NTM: variants seen among roughly 807,000 people sequenced by gnomAD.
NTM encodes neurotrimin.
NTM carries 13 observed loss-of-function variants against 42.1 expected under a neutral mutation model. The observed-to-expected ratio is 0.31, with a 90% CI of 0.20 to 0.49. NTM has a LOEUF of 0.49. Among genes scored for constraint, NTM ranks in the 20% least tolerant of loss-of-function variants. NTM has a pLI of 0.99. For missense variants in NTM, 373 were observed against 452.8 expected, an observed-to-expected ratio of 0.82 and a Z score of 1.60; for synonymous variants, 187 against 179.2, an observed-to-expected ratio of 1.04 and a Z score of -0.35.
intron 1 of NTM, among the ~76,000 whole-genome samples, chr11:131,672,053 A>G (rs965666371): frequency 6.6e-6 from 1 of 152,160 alleles, no homozygotes; most frequent in Non-Finnish European, 1.5e-5. Context: ...CCACGTGCAC[A>G]TCCCTTTCTC....
intron 4 of NTM, among the ~76,000 whole-genome samples, chr11:132,272,727 C>T (rs1026984367): frequency 1.1e-4 from 17 of 151,864 alleles, no homozygotes; most frequent in African/African-American, 4.1e-4. Context: ...GCTCTTGTAT[C>T]CTGCAATATT....
chr11:131,396,758 C>T (rs1415959630), intron 1 of NTM, among the ~76,000 whole-genome samples: 2 of 151,780 alleles, frequency 1.3e-5, no homozygotes, highest in African/African-American at 2.4e-5. Context: ...TGCTTGAACA[C>T]GGGGGACGGA....
rs533545331 is a variant in NTM at position 131,467,545 on chromosome 11, A to T, written c.82+96657A>T. Among the ~76,000 whole-genome samples, 4 of 152,346 alleles carry T rather than the reference A, an allele frequency of 2.6e-5. No individual in the cohort carries two copies. In the East Asian group the frequency reaches 7.7e-4, roughly 29 times the overall value. On this transcript the variant is annotated intron_variant, in intron 1 of 8. Transcript: ENST00000683400. The stretch of plus-strand genomic sequence containing the variant: ...CAGACATTCTGGTAGTGATTCTTCA[A>T]GGTAGAAACCTGCTCTGGCTATGTA...
chr11:131,466,313 T>C (rs1951885843), intron 1 of NTM, among the ~76,000 whole-genome samples: 1 of 152,272 alleles, frequency 6.6e-6, no homozygotes, highest in African/African-American at 2.4e-5. Context: ...TTCTTAAGGG[T>C]CAGGCCTCGT....
intron 1 of NTM, among the ~76,000 whole-genome samples, chr11:131,881,998 C>A (rs958276823): frequency 2.0e-5 from 3 of 152,054 alleles, no homozygotes; most frequent in African/African-American, 7.2e-5. Flanking sequence ...CAATTAATTG[C>A]GATTTAGAAA....
At chr11:131,923,028 G>A (rs377754207) in intron 2 of NTM, among the ~76,000 whole-genome samples, 12 of 151,444 alleles carry the variant, frequency 7.9e-5, no homozygotes, top group East Asian at 7.9e-4. Context: ...CTAGACCTTC[G>A]TTGAATTCAT....
Position 131,607,908 on chromosome 11 carries a change from A to G in NTM, c.82+237020A>G, listed in dbSNP as rs185507787. Among the ~76,000 whole-genome samples, 26 of 151,428 alleles carry G rather than the reference A, an allele frequency of 1.7e-4. 1 individual carries two copies. In the East Asian group the frequency reaches 4.5e-3, roughly 26 times the overall value. On this transcript the variant is annotated intron_variant, in intron 1 of 8. Coordinates refer to ENST00000683400, the MANE Select transcript of NTM (RefSeq NM_001352005.2). ...TTTTGTGTTTTTTTTTTGTTTTATAATTATTATTATTATACTTTAAGTTCT... is the reference window on the plus strand; with the variant it reads ...TTTTGTGTTTTTTTTTTGTTTTATAGTTATTATTATTATACTTTAAGTTCT...
intron 1 of NTM, among the ~76,000 whole-genome samples, chr11:131,864,861 A>G (rs1250307351): frequency 1.3e-5 from 2 of 152,100 alleles, no homozygotes; most frequent in African/African-American, 4.8e-5. Flanking sequence ...GCCCTTTTTA[A>G]TGTCCATGAT....
chr11:131,381,991 C>T (rs766509720), intron 1 of NTM, among the ~76,000 whole-genome samples: 11 of 152,214 alleles, frequency 7.2e-5, no homozygotes, highest in Non-Finnish European at 1.3e-4. Context: ...AAGCACTTTG[C>T]AATTCTGGCA....
At chr11:131,778,768 T>C (rs886825071) in intron 1 of NTM, among the ~76,000 whole-genome samples, 1 of 152,152 alleles carries the variant, frequency 6.6e-6, no homozygotes, top group African/African-American at 2.4e-5. Context: ...CGGTTAACTA[T>C]TGTAGTAGGG....
In NTM at chr11:131,778,953, T is replaced by C. The variant is rs573814417; in HGVS notation, c.83-132611T>C. On this transcript the variant is annotated intron_variant, in intron 1 of 8. Coordinates refer to ENST00000683400, the MANE Select transcript of NTM (RefSeq NM_001352005.2). The stretch of plus-strand genomic sequence containing the variant: ...TGGGATAGTCACCCCTGTGATTACA[T>C]CACATTATATAAGTTTTCATCATAG... 1.8e-4 allele frequency among the ~76,000 whole-genome samples: 27 copies of C among 152,344 alleles called. No homozygotes were observed. In the South Asian group the frequency reaches 4.3e-3, roughly 25 times the overall value.
intron 4 of NTM, among the ~76,000 whole-genome samples, chr11:132,273,394 G>A (rs1044685778): frequency 6.1e-5 from 7 of 114,922 alleles, no homozygotes; most frequent in African/African-American, 2.0e-4. Context: ...TTCCTTCCTT[G>A]TGATATCTGC....
intron 1 of NTM, among the ~76,000 whole-genome samples, chr11:131,491,710 TAG>T (rs1338003350): frequency 2.0e-5 from 3 of 152,062 alleles, no homozygotes; most frequent in Non-Finnish European, 4.4e-5. Flanking sequence ...CTGGGGAGGA[TAG>T]GGAATCAGAG....
intron 1 of NTM, among the ~76,000 whole-genome samples, chr11:131,779,544 G>A (rs1350893876): frequency 1.3e-5 from 2 of 152,106 alleles, no homozygotes; most frequent in Non-Finnish European, 2.9e-5. Context: ...ATTTTTCGTA[G>A]ACTAGTAGGG....
rs80082493 is a variant in NTM at position 132,003,055 on chromosome 11, C to A, written c.167+91407C>A. ...TAGGGTTAGGAAAGTAACTAGTGAG[C>A]GCACTAAACAGTAAGATGCGCTGCC... On this transcript the variant is annotated intron_variant, in intron 2 of 8. Transcript: ENST00000683400. The surrounding 1 kb of genome is among the most constrained non-coding windows in gnomAD (Gnocchi z 6.0). Among the ~76,000 whole-genome samples the A allele has an allele frequency of 9.2e-3, 1,397 of 152,118 alleles. 19 individuals are homozygous for A. Among genetic ancestry groups the A allele is most frequent in the African/African-American group, 0.033 (1,349 of 41,442 alleles).
intron 1 of NTM, among the ~76,000 whole-genome samples, chr11:131,377,026 A>C (rs1410752612): frequency 2.0e-5 from 3 of 152,186 alleles, no homozygotes; most frequent in African/African-American, 7.2e-5. Flanking sequence ...CATAAACGGA[A>C]AGCAACAACA....
At chr11:132,294,679 G>A (rs537156060) in intron 4 of NTM, among the ~76,000 whole-genome samples, 2 of 152,256 alleles carry the variant, frequency 1.3e-5, no homozygotes, top group South Asian at 4.1e-4. Flanking sequence ...CTGAGACCAA[G>A]CAGGTGCAGG....
At chr11:132,029,513 C>T (rs4936152) in intron 2 of NTM, among the ~76,000 whole-genome samples, 50,577 of 151,740 alleles carry the variant, frequency 0.33, 9,440 homozygotes, top group East Asian at 0.82. Flanking sequence ...TGTTGACTTT[C>T]GGTTTGGTCA....
chr11:132,314,699 A>G lies in NTM; in HGVS notation c.930A>G (p.Leu310=), dbSNP rs376840763. 25 of 1,611,990 alleles carry G rather than the reference A, an allele frequency of 1.6e-5. No homozygotes were observed. Among genetic ancestry groups the G allele is most frequent in the African/African-American group, 5.3e-5 (4 of 74,892 alleles). The change falls in exon 7 of 9, where the codon CTA becomes CTG. Residue 310 remains leucine, a synonymous_variant. Transcript: ENST00000683400. The part of the protein sequence containing the change: ...KLGHTNASIM[L]FEVKTTALTP... ...GCCACACCAATGCCAGCATCATGCT[A>G]TTTGGTGAGACTGTGCTCTGAGCTG...
Sources: allele counts gnomAD v4.1 joint callset (sites outside exome capture counted in the v4.1 genomes callset), GRCh38; gene constraint gnomAD v4.1.1; non-coding constraint Gnocchi (gnomAD v3.1); transcripts MANE v1.5; gene names NCBI Gene and HGNC (gene_info 2026-07-23, HGNC 2026-07-21).